The following THUMPD2 variants were observed in gnomAD, a reference collection of about 807,000 sequenced individuals.
THUMPD2 encodes THUMP domain 2 tRNA and snRNA guanosine methyltransferase.
THUMPD2 carries 56 observed loss-of-function variants against 49.4 expected under a neutral mutation model. The ratio of observed to expected loss-of-function variants is 1.13; its 90% CI spans 0.91 to 1.41. The LOEUF (loss-of-function observed/expected upper bound fraction) is 1.41, where lower values mean the gene tolerates loss of function less well. THUMPD2 is among the 40% of genes most tolerant of loss of function. The probability of loss-of-function intolerance (pLI) is 0.00; values close to 1 mark genes in which losing one functional copy is unlikely to be tolerated. For missense variants in THUMPD2, 709 were observed against 594.5 expected, an observed-to-expected ratio of 1.19 and a Z score of -2.00; for synonymous variants, 237 against 205.2, an observed-to-expected ratio of 1.15 and a Z score of -1.32.
chr2:39,758,934 A>G (rs527416113), intron 6 of THUMPD2, among the ~76,000 whole-genome samples: 3 of 152,356 alleles, frequency 2.0e-5, no homozygotes, highest in South Asian at 4.1e-4. Context: ...GAGATACTCA[A>G]ATGTGACACA....
intron 2 of THUMPD2, 86 bp from the exon 3 acceptor site, chr2:39,770,205 A>G (rs1678124993): frequency 1.1e-6 from 1 of 905,912 alleles, no homozygotes; most frequent in Non-Finnish European, 1.5e-6. Flanking sequence ...AATTACCTTT[A>G]TTTCCTTGAA....
intron 6 of THUMPD2, 138 bp from the exon 7 acceptor site, chr2:39,756,098 G>T: frequency 2.9e-6 from 2 of 700,578 alleles, no homozygotes; most frequent in Non-Finnish European, 4.8e-6. Context: ...GGACAGATGG[G>T]TTCAGGGGAG....
At chr2:39,748,014 C>G (rs932288289) in intron 8 of THUMPD2, among the ~76,000 whole-genome samples, 3 of 152,146 alleles carry the variant, frequency 2.0e-5, no homozygotes, top group Admixed American at 6.5e-5. Context: ...ATAATTAAGT[C>G]TTGTGCATTG....
intron 5 of THUMPD2, 147 bp downstream of exon 5, chr2:39,765,910 C>G: frequency 1.5e-6 from 1 of 677,086 alleles, no homozygotes; most frequent in South Asian, 2.0e-5. Flanking sequence ...CGTGAAAATA[C>G]TTTATTGTCT....
intron 8 of THUMPD2, among the ~76,000 whole-genome samples, chr2:39,749,483 T>A (rs1035275498): frequency 6.6e-6 from 1 of 152,254 alleles, no homozygotes; most frequent in Non-Finnish European, 1.5e-5. Flanking sequence ...GAATAGCCAT[T>A]TGATCTAAAG....
chr2:39,752,974 G>A (rs906148084), intron 8 of THUMPD2, among the ~76,000 whole-genome samples: 3 of 152,068 alleles, frequency 2.0e-5, no homozygotes, highest in Non-Finnish European at 4.4e-5. Context: ...TCCTTTTTCA[G>A]GGGCCTGGAT....
chr2:39,769,753 G>C lies in THUMPD2; in HGVS notation c.629C>G (p.Ser210Cys). 6.3e-7 allele frequency: 1 copy of C among 1,588,390 alleles called. No homozygotes were observed. Among genetic ancestry groups the C allele is most frequent in the Non-Finnish European group, 8.5e-7 (1 of 1,171,912 alleles). The part of the protein sequence containing the change: ...HNQNDLTFRV[S>C]CRCSGTIGKA... ...TCCAATAGTTCCACTGCAGCGACAA[G>C]ATACTCTGAAAGTCAAGTCATTCTG... Residue 210 changes from serine to cysteine, a missense_variant, in exon 3 of 10, where the codon TCT (serine) becomes TGT (cysteine). Coordinates refer to ENST00000505747, the MANE Select transcript of THUMPD2 (RefSeq NM_025264.5).
At position 39,736,942 on chromosome 2, in the gene THUMPD2, T is replaced by C; in HGVS notation, c.1305A>G (p.Glu435=). ...GATTCAAGCACTTTTTAATTCCAGG[T>C]TCATCTGTGTGACTGTCCTTGGAAT... is the stretch of plus-strand genomic sequence containing the variant. The part of the protein sequence containing the change: ...PFNSKDSHTD[E]PGIKKCLNPE... Residue 435 remains glutamate, a synonymous_variant, in exon 10 of 10, where the codon GAA becomes GAG. Coordinates refer to ENST00000505747, the MANE Select transcript of THUMPD2 (RefSeq NM_025264.5). 1 of 1,614,150 alleles carries C rather than the reference T, an allele frequency of 6.2e-7. No homozygotes were observed. The highest frequency in any genetic ancestry group is 8.5e-7 in the Non-Finnish European group (1 of 1,180,008).
intron 8 of THUMPD2, among the ~76,000 whole-genome samples, chr2:39,747,151 T>C (rs182945221): frequency 8.5e-5 from 13 of 152,332 alleles, no homozygotes; most frequent in African/African-American, 2.9e-4. Context: ...TTAGGCATAA[T>C]ATTTTTGGGT....
intron 3 of THUMPD2, chr2:39,769,042 A>C (rs1572866113): frequency 7.7e-7 from 1 of 1,304,634 alleles, no homozygotes; most frequent in Non-Finnish European, 1.0e-6. Flanking sequence ...CATTGCTGAG[A>C]CCTCATGTGC....
intron 8 of THUMPD2, 53 bp from the exon 9 acceptor site, chr2:39,744,531 C>CTTA: frequency 8.6e-7 from 1 of 1,161,506 alleles, no homozygotes. Context: ...ATATTTACAA[C>CTTA]TTAAATAATG....
In THUMPD2 at chr2:39,736,682, T is replaced by G. The variant is rs999067904; in HGVS notation, c.*53A>C. On this transcript the variant is annotated 3_prime_UTR_variant, in exon 10 of 10. Coordinates refer to ENST00000505747, the MANE Select transcript of THUMPD2 (RefSeq NM_025264.5). Reference sequence around the variant, plus strand: ...ATGAATCCTAGAGACAGCAAACTTCTGCTGTACAGCTAACTTACAAGGGCC... The same window carrying G: ...ATGAATCCTAGAGACAGCAAACTTCGGCTGTACAGCTAACTTACAAGGGCC... 4.7e-5 allele frequency: 71 copies of G among 1,506,786 alleles called. No individual in the cohort carries two copies. The highest frequency in any genetic ancestry group is 6.3e-5 in the Non-Finnish European group (71 of 1,119,304). 93.3% of individuals were successfully genotyped at this position (1,506,786 alleles called of 1,614,324 possible).
At chr2:39,778,976 T>G (rs1679493492) in intron 1 of THUMPD2, 138 bp downstream of exon 1, 1 of 1,169,208 alleles carries the variant, frequency 8.6e-7, no homozygotes, top group Non-Finnish European at 1.1e-6. Flanking sequence ...CGCCTGCCAG[T>G]CAACCTCGGG....
intron 1 of THUMPD2, among the ~76,000 whole-genome samples, chr2:39,774,391 G>A (rs1268935133): frequency 6.6e-6 from 1 of 152,176 alleles, no homozygotes; most frequent in Non-Finnish European, 1.5e-5. Context: ...TTTGTGACCA[G>A]AAATATGCTA....
intron 9 of THUMPD2, among the ~76,000 whole-genome samples, chr2:39,737,789 C>T (rs1673313827): frequency 1.3e-5 from 2 of 152,070 alleles, no homozygotes; most frequent in African/African-American, 2.4e-5. Context: ...CCAGGCAAAG[C>T]GACGGCAAGC....
intron 1 of THUMPD2, among the ~76,000 whole-genome samples, chr2:39,772,451 G>T (rs945978879): frequency 1.3e-5 from 2 of 152,150 alleles, no homozygotes; most frequent in East Asian, 3.9e-4. Context: ...GCTAGAGGGA[G>T]AAGTAGGTTA....
chr2:39,766,943 A>G (rs1311374415), intron 4 of THUMPD2, among the ~76,000 whole-genome samples: 1 of 152,174 alleles, frequency 6.6e-6, no homozygotes, highest in Non-Finnish European at 1.5e-5. Flanking sequence ...TAGCAAAACT[A>G]TTTATTAGAA....
chr2:39,753,990 C>T (rs1243540773), intron 8 of THUMPD2, among the ~76,000 whole-genome samples: 1 of 152,080 alleles, frequency 6.6e-6, no homozygotes, highest in Non-Finnish European at 1.5e-5. Context: ...GCACTTCTGA[C>T]TGTTTTTTAA....
At chr2:39,760,400 T>C (rs1676670171) in intron 6 of THUMPD2, among the ~76,000 whole-genome samples, 1 of 152,036 alleles carries the variant, frequency 6.6e-6, no homozygotes, top group African/African-American at 2.4e-5. Context: ...AGGACTGTAA[T>C]GGAATAGAAC....
Sources: allele counts gnomAD v4.1 joint callset (sites outside exome capture counted in the v4.1 genomes callset), GRCh38; gene constraint gnomAD v4.1.1; transcripts MANE v1.5; gene names NCBI Gene and HGNC (gene_info 2026-07-23, HGNC 2026-07-21).